SYNJ2: variants seen among roughly 807,000 people sequenced by gnomAD.
SYNJ2 encodes polyphosphatidylinositol phosphatase SYNJ2.
SYNJ2 carries 116 observed loss-of-function variants against 141.3 expected under a neutral mutation model. The observed-to-expected ratio is 0.82, with a 90% confidence interval of 0.71 to 0.96. The LOEUF (loss-of-function observed/expected upper bound fraction) is 0.96, where lower values mean the gene tolerates loss of function less well. Among genes scored for constraint, SYNJ2 ranks in the 40% least tolerant of loss-of-function variants. The pLI is 0.00. For missense variants in SYNJ2, 1,873 were observed against 1,934.8 expected (o/e 0.97, Z 0.60); for synonymous variants, 745 against 777.7 (o/e 0.96, Z 0.70).
At position 158,000,064 on chromosome 6, in the gene SYNJ2, C is replaced by CTTTTTTTTTT. The variant is rs58284240; in HGVS notation, c.128-17110_128-17101dup. Among the ~76,000 whole-genome samples the CTTTTTTTTTT allele has an allele frequency of 4.9e-4, 42 of 85,588 alleles. 3 individuals carry two copies. Among genetic ancestry groups the CTTTTTTTTTT allele is most frequent in the Non-Finnish European group, 6.6e-4 (27 of 40,832 alleles). 56.1% of individuals were successfully genotyped at this position (85,588 alleles called of 152,430 possible). On this transcript the variant is annotated intron_variant, in intron 1 of 26. Transcript: ENST00000355585. The stretch of plus-strand genomic sequence containing the variant: ...GCCAGGTTCTCACCAAGCCAAAAGG[C>CTTTTTTTTTT]TTTTTTTTTTTTTTTTTTTTTTTTT...
At chr6:158,038,534 G>A (rs1033006203) in intron 4 of SYNJ2, among the ~76,000 whole-genome samples, 3 of 152,350 alleles carry the variant, frequency 2.0e-5, no homozygotes, top group African/African-American at 7.2e-5. Flanking sequence ...GAGCCTGGAG[G>A]TGCCTGGGCT....
intron 4 of SYNJ2, among the ~76,000 whole-genome samples, chr6:158,035,057 A>G (rs1490968760): frequency 1.3e-5 from 2 of 152,182 alleles, no homozygotes; most frequent in East Asian, 1.9e-4. Context: ...TTTTTGTACC[A>G]GTGCCATGCT....
intron 1 of SYNJ2, among the ~76,000 whole-genome samples, chr6:158,002,884 G>C (rs1777914129): frequency 6.6e-6 from 1 of 152,210 alleles, no homozygotes; most frequent in South Asian, 2.1e-4. Flanking sequence ...GCTTTTTAAG[G>C]TGCAAACTGT....
chr6:158,080,213 C>T (rs767463359), intron 18 of SYNJ2, among the ~76,000 whole-genome samples: 11 of 152,136 alleles, frequency 7.2e-5, no homozygotes, highest in Admixed American at 2.6e-4. Context: ...CAGTGGCTCA[C>T]GCCTTTATCC....
chr6:158,093,748 G>A (rs1052219784), intron 26 of SYNJ2: 9 of 620,674 alleles, frequency 1.5e-5, no homozygotes, highest in East Asian at 1.1e-4. Flanking sequence ...GCCCATTTGC[G>A]TGTGGTCTGT....
chr6:158,004,384 C>T (rs1481348159), intron 1 of SYNJ2, among the ~76,000 whole-genome samples: 2 of 152,194 alleles, frequency 1.3e-5, no homozygotes, highest in Non-Finnish European at 2.9e-5. Context: ...TCTGGCCATA[C>T]TCACTGCTCA....
At chr6:158,034,981 A>G (rs980463016) in intron 4 of SYNJ2, among the ~76,000 whole-genome samples, 1 of 152,238 alleles carries the variant, frequency 6.6e-6, no homozygotes, top group African/African-American at 2.4e-5. Context: ...GTCAAAGATC[A>G]CATGGTTGTA....
At chr6:158,056,279 C>A (rs538152849) in intron 6 of SYNJ2, among the ~76,000 whole-genome samples, 2 of 152,148 alleles carry the variant, frequency 1.3e-5, no homozygotes, top group Non-Finnish European at 2.9e-5. Flanking sequence ...GTGAGATGCA[C>A]GTACCACAGA....
At chr6:158,059,892 ATT>A (rs1466706554) in intron 7 of SYNJ2, among the ~76,000 whole-genome samples, 28 of 152,252 alleles carry the variant, frequency 1.8e-4, no homozygotes, top group Admixed American at 1.7e-3. Context: ...GGTTGGGAGA[ATT>A]TGCTCAAAGT....
In SYNJ2 at chr6:158,069,641, C is replaced by A. The variant is rs753419770; in HGVS notation, c.1908C>A (p.Ile636=). ...SAQLVGVCLY[I]FVRPYHVPFI... ...AGCTGGTGGGCGTCTGTCTTTATAT[C>A]TTTGTACGTCCATACCATGTCCCGT... is the stretch of plus-strand genomic sequence containing the variant. Residue 636 remains isoleucine, a synonymous_variant, in exon 14 of 27, where the codon ATC becomes ATA. Transcript: ENST00000355585. 21 of 1,613,896 alleles carry A rather than the reference C, an allele frequency of 1.3e-5. No individual in the cohort carries two copies. Among genetic ancestry groups the A allele is most frequent in the Non-Finnish European group, 1.8e-5 (21 of 1,179,854 alleles).
In SYNJ2 at chr6:158,012,918, A is replaced by C. The variant is rs572127686; in HGVS notation, c.128-4286A>C. On this transcript the variant is annotated intron_variant, in intron 1 of 26. Coordinates refer to ENST00000355585, the MANE Select transcript of SYNJ2 (RefSeq NM_003898.4). The stretch of plus-strand genomic sequence containing the variant: ...GTTGATGATTTCATTGATTATCTTT[A>C]AGTTACTCTGCACTCTCCCTTCCCC... Among the ~76,000 whole-genome samples the C allele has an allele frequency of 2.5e-3, 388 of 152,262 alleles. 2 individuals carry two copies. The highest frequency in any genetic ancestry group is 8.4e-3 in the African/African-American group (348 of 41,536).
intron 2 of SYNJ2, 113 bp downstream of exon 2, chr6:158,017,403 TTC>T (rs1416613736): frequency 7.2e-5 from 73 of 1,014,200 alleles, no homozygotes; most frequent in Non-Finnish European, 7.9e-5. Context: ...TCTCTCTCTC[TTC>T]TTTTTTTTTT....
Position 158,076,789 on chromosome 6 carries a change from G to C in SYNJ2, c.2449+7G>C, listed in dbSNP as rs1344772681. The C allele has an allele frequency of 6.2e-7, 1 of 1,603,692 alleles. No individual in the cohort carries two copies. Among genetic ancestry groups the C allele is most frequent in the Non-Finnish European group, 8.5e-7 (1 of 1,173,666 alleles). The stretch of plus-strand genomic sequence containing the variant: ...CATCCCTTTGATAAAACAGGTGAGG[G>C]GGCCGTGCCCGTTCGAGAGTCGGCA... On this transcript the variant is annotated splice_region_variant and intron_variant, in intron 17 of 26. Coordinates refer to ENST00000355585, the MANE Select transcript of SYNJ2 (RefSeq NM_003898.4).
chr6:157,988,218 C>G (rs1562307315), intron 1 of SYNJ2, among the ~76,000 whole-genome samples: 1 of 152,214 alleles, frequency 6.6e-6, no homozygotes, highest in Non-Finnish European at 1.5e-5. Context: ...CACACACTAG[C>G]TGGGACTCTG....
chr6:158,059,559 T>C, intron 7 of SYNJ2: 1 of 753,204 alleles, frequency 1.3e-6, no homozygotes, highest in Non-Finnish European at 1.7e-6. Context: ...TTCTTTTCTT[T>C]TTTTTTTTTT....
chr6:158,020,766 T>A (rs1360657112), intron 2 of SYNJ2, among the ~76,000 whole-genome samples: 1 of 152,256 alleles, frequency 6.6e-6, no homozygotes, highest in East Asian at 1.9e-4. Context: ...TGGGCCTCCC[T>A]TTCAATGTTT....
At position 158,095,807 on chromosome 6, in the gene SYNJ2, C is replaced by G; in HGVS notation, c.3934C>G (p.Pro1312Ala). ...SHRKPASDEAPPGAGASVPPP... is the reference protein window; with the variant it reads ...SHRKPASDEAAPGAGASVPPP... The stretch of plus-strand genomic sequence containing the variant: ...CAGGAAGCCAGCATCAGACGAAGCC[C>G]CTCCTGGGGCAGGAGCCTCTGTGCC... Residue 1312 changes from proline to alanine, a missense_variant, in exon 27 of 27, where the codon CCT (proline) becomes GCT (alanine). Pro to Ala is a conservative substitution (Grantham distance 27). Coordinates refer to ENST00000355585, the MANE Select transcript of SYNJ2 (RefSeq NM_003898.4). The G allele has an allele frequency of 6.2e-7, 1 of 1,614,164 alleles. No homozygotes were observed. The highest frequency in any genetic ancestry group is 8.5e-7 in the Non-Finnish European group (1 of 1,180,012).
chr6:158,046,353 C>T (rs1780237247), intron 5 of SYNJ2, among the ~76,000 whole-genome samples: 1 of 152,176 alleles, frequency 6.6e-6, no homozygotes, highest in Admixed American at 6.5e-5. Flanking sequence ...CTAAACACCA[C>T]TCATCATCAA....
At chr6:158,077,058 T>C (rs6899939) in intron 17 of SYNJ2, among the ~76,000 whole-genome samples, 84,102 of 151,136 alleles carry the variant, frequency 0.56, 24,020 homozygotes, top group African/African-American at 0.68. Flanking sequence ...TGCAATGGCG[T>C]GATCTTGGCT....
Sources: gnomAD v4.1 joint callset for allele counts (sites outside exome capture counted in the v4.1 genomes callset) on GRCh38, gnomAD v4.1.1 for gene constraint, MANE v1.5 for transcripts, NCBI Gene and HGNC (gene_info 2026-07-23, HGNC 2026-07-21) for gene names.